Variants in DHPS observed in about 807,000 individuals in gnomAD.
The protein encoded by DHPS is migration-inducing gene 13.
In DHPS, 24 loss-of-function variants were observed where a neutral mutation model predicts 38.7. The observed-to-expected ratio is 0.62, with a 90% CI of 0.45 to 0.87. The LOEUF (loss-of-function observed/expected upper bound fraction) is 0.87, where lower values mean the gene tolerates loss of function less well. Among genes scored for constraint, DHPS ranks in the 40% least tolerant of loss-of-function variants. DHPS has a pLI of 0.00. For missense variants in DHPS, 510 were observed against 497.6 expected, an observed-to-expected ratio of 1.02 and a Z score of -0.24; for synonymous variants, 250 against 204.4, an observed-to-expected ratio of 1.22 and a Z score of -1.90.
At position 12,679,670 on chromosome 19, in the gene DHPS, A is replaced by C; in HGVS notation, c.544T>G (p.Trp182Gly). The change falls in exon 4 of 9, where the codon TGG becomes GGG. Residue 182 changes from tryptophan to glycine, a missense_variant. By Grantham distance (184) the Trp-to-Gly change is radical (BLOSUM62 -2). Transcript: ENST00000210060. ...ATCTGGTCCAGAATGGGCATCAGCC[A>C]GTCCTCAAACTTGCAGTAATTCTCA... is the stretch of plus-strand genomic sequence containing the variant. ...PNENYCKFED[W>G]LMPILDQMVM... 6.2e-7 allele frequency: 1 copy of C among 1,614,182 alleles called. No individual in the cohort carries two copies. The highest frequency in any genetic ancestry group is 8.5e-7 in the Non-Finnish European group (1 of 1,180,028).
intron 5 of DHPS, among the ~76,000 whole-genome samples, chr19:12,678,431 C>T (rs776231153): frequency 1.1e-4 from 16 of 152,042 alleles, no homozygotes; most frequent in Non-Finnish European, 1.6e-4. Context: ...TGTGCCATTG[C>T]ACTCCAGCCT....
downstream of DHPS, among the ~76,000 whole-genome samples, chr19:12,674,815 G>A (rs2024523083): frequency 6.6e-6 from 1 of 152,058 alleles, no homozygotes; most frequent in Non-Finnish European, 1.5e-5. Flanking sequence ...GGAACATGTG[G>A]TACAAGAAAA....
intron 1 of DHPS, 150 bp downstream of exon 1, chr19:12,681,410 G>C: frequency 9.2e-7 from 1 of 1,087,400 alleles, no homozygotes; most frequent in Non-Finnish European, 1.3e-6. Context: ...AGAAACTCCC[G>C]CCCAGAATAG....
intron 5 of DHPS, 76 bp from the exon 6 acceptor site, chr19:12,677,472 T>G: frequency 8.0e-7 from 1 of 1,249,286 alleles, no homozygotes; most frequent in Admixed American, 2.1e-5. Flanking sequence ...TATCTGACTG[T>G]GGATGGGGTG....
intron 5 of DHPS, 148 bp downstream of exon 5, chr19:12,679,309 A>G: frequency 1.2e-6 from 1 of 807,418 alleles, no homozygotes; most frequent in East Asian, 2.5e-5. Flanking sequence ...AAAAAAAAAA[A>G]AATTACCACG....
intron 5 of DHPS, among the ~76,000 whole-genome samples, chr19:12,677,982 G>T (rs892264223): frequency 2.7e-5 from 4 of 149,908 alleles, no homozygotes; most frequent in Non-Finnish European, 4.5e-5. Flanking sequence ...GCCGGGCGCG[G>T]TGGCTCACGC....
intron 7 of DHPS, 191 bp downstream of exon 7, chr19:12,676,917 A>G (rs2024609000): frequency 1.7e-6 from 1 of 603,828 alleles, no homozygotes; most frequent in Admixed American, 2.7e-5. Context: ...TCATGCCATC[A>G]TTTAGTATTC....
chr19:12,680,979 G>A lies in DHPS; in HGVS notation c.207+581C>T, dbSNP rs150654720. On this transcript the variant is annotated intron_variant, in intron 1 of 8. Transcript: ENST00000210060. ...CTCCCGAGTAGCTGGGACTACAGGC[G>A]CGCAACACCATGCCCGGCTAATTTT... The A allele has an allele frequency of 1.5e-3, 522 of 352,638 alleles. 5 individuals carry two copies. The highest frequency in any genetic ancestry group is 0.011 in the African/African-American group (480 of 43,244). The allele number at this position is 352,638 out of a possible 1,614,324, so 21.8% of individuals were successfully genotyped here. A position where few individuals can be genotyped will look rare whatever the true frequency, so the allele number is the denominator to read the frequency against.
rs1387299074 is a variant in DHPS at position 12,681,843 on chromosome 19, A to ACG, written c.-79_-78dup. The ACG allele has an allele frequency of 6.9e-6, 9 of 1,306,616 alleles. No homozygotes were observed. The highest frequency in any genetic ancestry group is 9.6e-6 in the Non-Finnish European group (9 of 935,812). The allele number at this position is 1,306,616 out of a possible 1,614,324, so 80.9% of individuals were successfully genotyped here. On this transcript the variant is annotated 5_prime_UTR_variant, in exon 1 of 9. Transcript: ENST00000210060. ...CGGCCCAGAAACGCGTTAAACCCCG[A>ACG]CGCGCGCGTCTCCGCAAGAGCACAG...
rs760586806 is a variant in DHPS, at chr19:12,677,168, A to G, written c.828T>C (p.Thr276=). The G allele has an allele frequency of 1.2e-6, 2 of 1,614,190 alleles. No homozygotes were observed. The highest frequency in any genetic ancestry group is 1.7e-6 in the Non-Finnish European group (2 of 1,180,024). ...CGCCCCCGCCCAGAATGATCATCCC[A>G]GTGCACTTGGCAAAGATGGCCTGTG... The part of the protein sequence containing the change: ...INTQAIFAKC[T]GMIILGGGVV... Residue 276 remains threonine (T), a synonymous_variant, in exon 7 of 9, where the codon ACT becomes ACC. Transcript: ENST00000210060.
downstream of DHPS, among the ~76,000 whole-genome samples, chr19:12,674,374 G>C (rs1359189117): frequency 6.6e-6 from 1 of 152,138 alleles, no homozygotes; most frequent in African/African-American, 2.4e-5. Context: ...AGAGCCGGGG[G>C]AATCTCGGCA....
rs145203481 is a variant in DHPS at position 12,675,942 on chromosome 19, G to A, written c.1015-9C>T. The A allele has an allele frequency of 1.9e-6, 3 of 1,603,122 alleles. No homozygotes were observed. The highest frequency in any genetic ancestry group is 1.1e-5 in the South Asian group (1 of 89,870). On this transcript the variant is annotated splice_polypyrimidine_tract_variant and intron_variant, in intron 8 of 8. Coordinates refer to ENST00000210060, the MANE Select transcript of DHPS (RefSeq NM_001930.4). Reference sequence around the variant, plus strand: ...GAGGCGTCAGCATAGACCTGGGTAGGGGGGAACCTGGGTAAGCCATGGGAC... The same window carrying A: ...GAGGCGTCAGCATAGACCTGGGTAGAGGGGAACCTGGGTAAGCCATGGGAC...
rs1050615 is a variant in DHPS, at chr19:12,680,227, T to G, written c.306A>C (p.Gly102=). 1 of 1,614,018 alleles carries G rather than the reference T, an allele frequency of 6.2e-7. No individual in the cohort carries two copies. The highest frequency in any genetic ancestry group is 1.3e-5 in the African/African-American group (1 of 74,916). The change falls in exon 2 of 9, where the codon GGA becomes GGC. Residue 102 remains glycine (G), a synonymous_variant. Coordinates refer to ENST00000210060, the MANE Select transcript of DHPS (RefSeq NM_001930.4). ...RPLTSCTIFL[G]YTSNLISSGI... ...CTGAACTGATGAGGTTGGATGTATA[T>G]CCCAGGAAAATGGTGCAGCTGGTAA... is the stretch of plus-strand genomic sequence containing the variant.
chr19:12,673,436 T>G (rs978837168), downstream of DHPS: 4 of 624,554 alleles, frequency 6.4e-6, no homozygotes, highest in Non-Finnish European at 7.8e-6. Flanking sequence ...TTTTTTTTTT[T>G]GAGACAAGTC....
At chr19:12,679,105 G>A (rs2145360084) in intron 5 of DHPS, among the ~76,000 whole-genome samples, 1 of 152,152 alleles carries the variant, frequency 6.6e-6, no homozygotes, top group African/African-American at 2.4e-5. Context: ...AGACCAGCCT[G>A]GGAAACACAG....
intron 5 of DHPS, among the ~76,000 whole-genome samples, chr19:12,678,069 A>G (rs1243987446): frequency 6.6e-6 from 1 of 151,424 alleles, no homozygotes; most frequent in South Asian, 2.1e-4. Flanking sequence ...CCTGACCAAC[A>G]TGGAGAAACC....
At chr19:12,676,288 T>C (rs2024585454) in intron 7 of DHPS, 146 bp from the exon 8 acceptor site, 2 of 1,032,826 alleles carry the variant, frequency 1.9e-6, no homozygotes, top group Middle Eastern at 3.2e-4. Flanking sequence ...ACAGGGCCCA[T>C]GTCAATGTCT....
At chr19:12,673,015 C>A, downstream of DHPS, 1 of 1,612,342 alleles carries the variant, frequency 6.2e-7, no homozygotes, top group Non-Finnish European at 8.5e-7. Context: ...AAGGCCCCAT[C>A]ACCTGCACCT....
chr19:12,673,364 C>A, downstream of DHPS: 1 of 1,312,216 alleles, frequency 7.6e-7, no homozygotes, highest in Non-Finnish European at 1.1e-6. Context: ...TGCCCCATCT[C>A]AGCCCTGTCC....
Sources: allele counts gnomAD v4.1 joint callset (sites outside exome capture counted in the v4.1 genomes callset), GRCh38; gene constraint gnomAD v4.1.1; transcripts MANE v1.5; gene names NCBI Gene and HGNC (gene_info 2026-07-23, HGNC 2026-07-21).